The following VWA8 variants were observed in gnomAD, a reference collection of about 807,000 sequenced individuals.
The protein encoded by VWA8 is von Willebrand factor A domain-containing protein 8.
VWA8 carries 221 observed loss-of-function variants against 241.5 expected under a neutral mutation model. The ratio of observed to expected loss-of-function variants is 0.91; its 90% confidence interval spans 0.82 to 1.02. The LOEUF is 1.02. Among genes scored for constraint, VWA8 ranks in the 50% least tolerant of loss-of-function variants. The pLI, the probability that VWA8 is intolerant of heterozygous loss-of-function variation, is 0.00. For synonymous variants in VWA8, 852 were observed against 827.1 expected (o/e 1.03, Z -0.52); for missense variants, 2,322 against 2,328.7 (o/e 1.00, Z 0.06).
intron 21 of VWA8, among the ~76,000 whole-genome samples, chr13:41,734,905 C>A (rs1227732085): frequency 6.6e-6 from 1 of 152,176 alleles, no homozygotes; most frequent in Non-Finnish European, 1.5e-5. Flanking sequence ...TGATTATAAA[C>A]TTTTAGTATG....
chr13:41,698,987 A>G, intron 29 of VWA8, 84 bp downstream of exon 29: 1 of 1,571,690 alleles, frequency 6.4e-7, no homozygotes, highest in Admixed American at 1.7e-5. Context: ...TCATGAAAGC[A>G]CATCTTTTCA....
In VWA8 at chr13:41,568,139, C is replaced by CTCTT. The variant is rs2044273277; in HGVS notation, c.*54_*57dup. On this transcript the variant is annotated 3_prime_UTR_variant, in exon 45 of 45. Transcript: ENST00000379310. ...TCCATATCTTCTTTTTTTCAGAATA[C>CTCTT]TCTTTATTCCTGTCTTATTTCAAAT... is the stretch of plus-strand genomic sequence containing the variant. The CTCTT allele has an allele frequency of 7.0e-7, 1 of 1,419,992 alleles. No individual in the cohort carries two copies. Among genetic ancestry groups the CTCTT allele is most frequent in the South Asian group, 1.2e-5 (1 of 83,982 alleles). The allele number at this position is 1,419,992 out of a possible 1,614,324, so 88.0% of individuals were successfully genotyped here.
At chr13:41,734,248 G>C (rs377185793) in intron 21 of VWA8, among the ~76,000 whole-genome samples, 9 of 152,144 alleles carry the variant, frequency 5.9e-5, no homozygotes, top group African/African-American at 2.2e-4. Flanking sequence ...TGAGACAGGA[G>C]AATCACTTGA....
chr13:41,762,254 G>A (rs537307529), intron 20 of VWA8, among the ~76,000 whole-genome samples: 3 of 152,158 alleles, frequency 2.0e-5, no homozygotes, highest in South Asian at 4.1e-4. Flanking sequence ...AACCCATACT[G>A]TGCCAGGCTG....
chr13:41,692,408 G>A (rs1189456075), intron 30 of VWA8, among the ~76,000 whole-genome samples: 1 of 151,842 alleles, frequency 6.6e-6, no homozygotes, highest in Non-Finnish European at 1.5e-5. Context: ...AAATTCTCTT[G>A]TGTTGGCCTA....
At chr13:41,723,129 G>A (rs1566428919) in intron 24 of VWA8, among the ~76,000 whole-genome samples, 2 of 152,186 alleles carry the variant, frequency 1.3e-5, no homozygotes, top group East Asian at 3.9e-4. Flanking sequence ...AGAGCAAACA[G>A]TGCAGCCTTG....
At chr13:41,944,377 CT>C (rs1877751525) in intron 2 of VWA8, among the ~76,000 whole-genome samples, 1 of 151,852 alleles carries the variant, frequency 6.6e-6, no homozygotes, top group African/African-American at 2.4e-5. Flanking sequence ...TTTCTTTTTT[CT>C]TTTATTGAGA....
At position 41,778,076 on chromosome 13, in the gene VWA8, G is replaced by A. The variant is rs185213057; in HGVS notation, c.2278-20C>T. ...CACATGCTAGAGAAAAAGGAACTAGGGGTTAACTGTTTTGTACAATCAAGG... is the reference window on the plus strand; with the variant it reads ...CACATGCTAGAGAAAAAGGAACTAGAGGTTAACTGTTTTGTACAATCAAGG... On this transcript the variant is annotated intron_variant, in intron 19 of 44. Transcript: ENST00000379310. 2,450 of 1,594,582 alleles carry A rather than the reference G, an allele frequency of 1.5e-3. 26 individuals carry two copies. The African/African-American group carries it at 0.03, about 19-fold the overall frequency.
chr13:41,760,759 T>A (rs999419710), intron 21 of VWA8, among the ~76,000 whole-genome samples: 10 of 151,968 alleles, frequency 6.6e-5, no homozygotes, highest in Non-Finnish European at 1.2e-4. Flanking sequence ...ATACCTGAGA[T>A]TCATATAGTT....
chr13:41,958,546 C>T (rs1878447281), intron 1 of VWA8, among the ~76,000 whole-genome samples: 1 of 152,130 alleles, frequency 6.6e-6, no homozygotes, highest in African/African-American at 2.4e-5. Flanking sequence ...TCCATTATGG[C>T]CTATTGCTAT....
chr13:41,680,427 G>A (rs544655025), intron 35 of VWA8, among the ~76,000 whole-genome samples: 29 of 152,020 alleles, frequency 1.9e-4, no homozygotes, highest in Middle Eastern at 6.8e-3. Flanking sequence ...TTTTTTTACA[G>A]CCCACATTTA....
chr13:41,883,253 G>A, intron 9 of VWA8, 134 bp downstream of exon 9: 1 of 632,846 alleles, frequency 1.6e-6, no homozygotes, highest in South Asian at 2.0e-5. Flanking sequence ...AGAATGGAGG[G>A]GAAGGGAAAG....
intron 12 of VWA8, among the ~76,000 whole-genome samples, chr13:41,860,629 G>A (rs1370543038): frequency 6.6e-6 from 1 of 152,156 alleles, no homozygotes; most frequent in African/African-American, 2.4e-5. Context: ...ATGTTTTGGT[G>A]AGTTTATTGT....
At chr13:41,890,286 C>T (rs773329705) in intron 5 of VWA8, among the ~76,000 whole-genome samples, 39 of 152,158 alleles carry the variant, frequency 2.6e-4, no homozygotes, top group Non-Finnish European at 5.0e-4. Context: ...AGATCTTGCT[C>T]GTGATCAATT....
At chr13:41,762,419 G>A (rs1364764073) in intron 20 of VWA8, among the ~76,000 whole-genome samples, 1 of 152,078 alleles carries the variant, frequency 6.6e-6, no homozygotes, top group African/African-American at 2.4e-5. Flanking sequence ...AGTGAAACGA[G>A]GACTCACATC....
rs1036415472 is a variant in VWA8 at position 41,644,269 on chromosome 13, C to A, written c.4611+26677G>T. On this transcript the variant is annotated intron_variant, in intron 37 of 44. Coordinates refer to ENST00000379310, the MANE Select transcript of VWA8 (RefSeq NM_015058.2). ...TGTGAGACCTAGGCATCTTGTACCACCCCCGCCAAAAAAAAAAACCAGAGT... is the reference window on the plus strand; with the variant it reads ...TGTGAGACCTAGGCATCTTGTACCAACCCCGCCAAAAAAAAAAACCAGAGT... 9.2e-4 allele frequency among the ~76,000 whole-genome samples: 139 copies of A among 151,216 alleles called. 3 individuals are homozygous for A. The highest frequency in any genetic ancestry group is 3.5e-4 in the Non-Finnish European group (24 of 67,854).
intron 21 of VWA8, among the ~76,000 whole-genome samples, chr13:41,734,599 C>G (rs2137868950): frequency 6.6e-6 from 1 of 152,250 alleles, no homozygotes; most frequent in Middle Eastern, 3.4e-3. Flanking sequence ...CCTTATTTGC[C>G]TCCAACTTGG....
intron 2 of VWA8, chr13:41,926,937 G>A: frequency 1.8e-6 from 1 of 542,590 alleles, no homozygotes; most frequent in Non-Finnish European, 3.7e-6. Flanking sequence ...GGAGTTCCTG[G>A]AAATGATTTG....
At chr13:41,944,937 T>C (rs914069758) in intron 2 of VWA8, among the ~76,000 whole-genome samples, 2 of 152,064 alleles carry the variant, frequency 1.3e-5, no homozygotes, top group East Asian at 1.9e-4. Flanking sequence ...AAACTGAAAA[T>C]GAGATGTTTG....
Sources: gnomAD v4.1 joint callset for allele counts (sites outside exome capture counted in the v4.1 genomes callset) on GRCh38, gnomAD v4.1.1 for gene constraint, MANE v1.5 for transcripts, NCBI Gene and HGNC (gene_info 2026-07-23, HGNC 2026-07-21) for gene names.